Variants in ACSS3 observed in about 807,000 individuals in gnomAD.
ACSS3 encodes acyl-CoA synthetase short chain family member 3, also known as acyl-CoA synthetase short-chain family member 3, mitochondrial.
A neutral mutation model predicts 84.2 loss-of-function variants in ACSS3; 64 were observed. The ratio of observed to expected loss-of-function variants is 0.76; its 90% CI spans 0.62 to 0.94. The LOEUF is 0.94. ACSS3 is among the 40% of genes least tolerant of loss of function. The probability of loss-of-function intolerance (pLI) is 0.00; values close to 1 mark genes in which losing one functional copy is unlikely to be tolerated. For synonymous variants in ACSS3, 317 were observed against 310.1 expected (o/e 1.02, Z -0.23); for missense variants, 815 against 867.6 (o/e 0.94, Z 0.76).
chr12:81,201,389 A>G (rs1189704893), intron 9 of ACSS3, among the ~76,000 whole-genome samples: 1 of 152,244 alleles, frequency 6.6e-6, no homozygotes, highest in Non-Finnish European at 1.5e-5. Flanking sequence ...TGACTGTGCC[A>G]AAACTCACTG....
chr12:81,164,220 C>A (rs892997395), intron 7 of ACSS3, among the ~76,000 whole-genome samples: 2 of 150,452 alleles, frequency 1.3e-5, no homozygotes, highest in South Asian at 2.1e-4. Flanking sequence ...CAGTCACTTA[C>A]CATTGTGATA....
chr12:81,259,733 G>A lies in ACSS3; in HGVS notation c.*4811G>A, dbSNP rs2034721507. 1 of 1,355,342 alleles carries A rather than the reference G, an allele frequency of 7.4e-7. No individual in the cohort carries two copies. Among genetic ancestry groups the A allele is most frequent in the African/African-American group, 1.5e-5 (1 of 68,912 alleles). The allele number at this position is 1,355,342 out of a possible 1,614,324, so 84.0% of individuals were successfully genotyped here. A position where few individuals can be genotyped will look rare whatever the true frequency, so the allele number is the denominator to read the frequency against. On this transcript the variant is annotated 3_prime_UTR_variant, in exon 16 of 16. Coordinates refer to ENST00000548058, the MANE Select transcript of ACSS3 (RefSeq NM_024560.4). ...GGGAAATCTCATTCTACTCCTCTGT[G>A]GTGTACCTCCACGCAGCCTGCTTAC...
intron 1 of ACSS3, among the ~76,000 whole-genome samples, chr12:81,101,871 T>G (rs1483298537): frequency 2.0e-5 from 3 of 152,144 alleles, no homozygotes; most frequent in African/African-American, 7.2e-5. Flanking sequence ...TTTCATTTTG[T>G]TTTCATCAGT....
At chr12:81,094,184 C>T (rs11114758) in intron 1 of ACSS3, among the ~76,000 whole-genome samples, 1 of 146,668 alleles carries the variant, frequency 6.8e-6, no homozygotes, top group Admixed American at 6.9e-5. Flanking sequence ...GTCTCTCTCT[C>T]TGTGTGTGTG....
intron 1 of ACSS3, 61 bp from the exon 2 acceptor site, chr12:81,109,499 C>A: frequency 6.5e-7 from 1 of 1,544,320 alleles, no homozygotes; most frequent in Non-Finnish European, 8.7e-7. Context: ...ATAATAACTT[C>A]ATTAAGTGAC....
chr12:81,213,558 C>CCTCCTCTCCT (rs762606244), intron 9 of ACSS3, among the ~76,000 whole-genome samples: 1 of 112,898 alleles, frequency 8.9e-6, no homozygotes, highest in African/African-American at 3.5e-5. Flanking sequence ...AGTTCTCTTT[C>CCTCCTCTCCT]CTCCTCTCCT....
At chr12:81,169,981 A>C (rs1241434349) in intron 7 of ACSS3, among the ~76,000 whole-genome samples, 1 of 152,158 alleles carries the variant, frequency 6.6e-6, no homozygotes, top group African/African-American at 2.4e-5. Flanking sequence ...AAGAGACTAA[A>C]TGTATTTCTA....
At chr12:81,145,460 A>G (rs1403077241) in intron 5 of ACSS3, among the ~76,000 whole-genome samples, 2 of 152,174 alleles carry the variant, frequency 1.3e-5, no homozygotes, top group South Asian at 2.1e-4. Context: ...CTTCTAGTCT[A>G]GTGAGATTGA....
At chr12:81,208,607 A>G (rs2135920452) in intron 9 of ACSS3, among the ~76,000 whole-genome samples, 1 of 152,262 alleles carries the variant, frequency 6.6e-6, no homozygotes, top group Middle Eastern at 3.4e-3. Context: ...TCATCAGTTT[A>G]GTGCTCCAGT....
chr12:81,198,005 C>T (rs182484711), intron 8 of ACSS3, among the ~76,000 whole-genome samples: 1 of 152,116 alleles, frequency 6.6e-6, no homozygotes, highest in Non-Finnish European at 1.5e-5. Flanking sequence ...GTTCTCAAGT[C>T]TTTTCACATT....
Position 81,255,086 on chromosome 12 carries a change from C to T in ACSS3, c.*164C>T. ...AAATCTAATGAAAACATGTGAAAGA[C>T]CTGTGCCTTTTTTTTGGTTTGACCC... On this transcript the variant is annotated 3_prime_UTR_variant, in exon 16 of 16. Transcript: ENST00000548058. 7 of 628,788 alleles carry T rather than the reference C, an allele frequency of 1.1e-5. No individual in the cohort carries two copies. The highest frequency in any genetic ancestry group is 1.3e-5 in the Non-Finnish European group (5 of 394,942). 39.0% of individuals were successfully genotyped at this position (628,788 alleles called of 1,614,324 possible). A position where few individuals can be genotyped will look rare whatever the true frequency, so the allele number is the denominator to read the frequency against.
At chr12:81,089,514 T>C (rs1444751154) in intron 1 of ACSS3, among the ~76,000 whole-genome samples, 1 of 151,968 alleles carries the variant, frequency 6.6e-6, no homozygotes, top group Non-Finnish European at 1.5e-5. Context: ...TCCATAGATA[T>C]TGCCAAACTT....
chr12:81,232,834 C>G (rs560398757), intron 12 of ACSS3, among the ~76,000 whole-genome samples: 9 of 151,292 alleles, frequency 5.9e-5, no homozygotes, highest in Non-Finnish European at 1.2e-4. Context: ...ATTTCTAGAC[C>G]AGCAAAAATG....
At chr12:81,080,878 A>G (rs891444921) in intron 1 of ACSS3, among the ~76,000 whole-genome samples, 3 of 152,230 alleles carry the variant, frequency 2.0e-5, no homozygotes, top group Admixed American at 1.3e-4. Context: ...GGGAGGTGAT[A>G]AGTGGATTTA....
intron 13 of ACSS3, among the ~76,000 whole-genome samples, chr12:81,247,020 T>G (rs2034004474): frequency 6.6e-6 from 1 of 152,042 alleles, no homozygotes; most frequent in African/African-American, 2.4e-5. Context: ...TGTTGGGATG[T>G]GTTTCTTAAA....
At chr12:81,106,735 A>G (rs1386412421) in intron 1 of ACSS3, among the ~76,000 whole-genome samples, 2 of 152,208 alleles carry the variant, frequency 1.3e-5, no homozygotes, top group East Asian at 1.9e-4. Context: ...ATAGCAGCAT[A>G]TGGAGATGGC....
At chr12:81,181,309 G>C (rs1247817735) in intron 8 of ACSS3, among the ~76,000 whole-genome samples, 3 of 152,088 alleles carry the variant, frequency 2.0e-5, no homozygotes, top group Non-Finnish European at 4.4e-5. Flanking sequence ...GCTGTATGGA[G>C]ACTACACCAC....
chr12:81,179,271 C>CAAAA (rs71098127), intron 8 of ACSS3, among the ~76,000 whole-genome samples: 3 of 66,802 alleles, frequency 4.5e-5, no homozygotes, highest in Admixed American at 1.9e-4. Flanking sequence ...AAGTAATTGC[C>CAAAA]AAAAAAAAAA....
At chr12:81,199,861 T>G in intron 9 of ACSS3, 1 of 393,352 alleles carries the variant, frequency 2.5e-6, no homozygotes, top group Non-Finnish European at 4.7e-6. Context: ...CTCTCTGCTT[T>G]TTGATACACA....
Sources: gnomAD v4.1 joint callset for allele counts (sites outside exome capture counted in the v4.1 genomes callset) on GRCh38, gnomAD v4.1.1 for gene constraint, MANE v1.5 for transcripts, NCBI Gene and HGNC (gene_info 2026-07-23, HGNC 2026-07-21) for gene names.